The following TESK2 variants were observed in gnomAD, a reference collection of about 807,000 sequenced individuals.
TESK2 encodes the protein testis associated actin remodelling kinase 2, also known as dual specificity testis-specific protein kinase 2.
TESK2 carries 39 observed loss-of-function variants against 57.1 expected under a neutral mutation model. The observed-to-expected ratio is 0.68, with a 90% CI of 0.53 to 0.89. The LOEUF (loss-of-function observed/expected upper bound fraction) is 0.89, where lower values mean the gene tolerates loss of function less well. Ranked by LOEUF, TESK2 falls within the 40% of genes least tolerant of loss-of-function variation. The pLI is 0.00. For synonymous variants in TESK2, 249 were observed against 267.9 expected, an observed-to-expected ratio of 0.93 and a Z score of 0.69; for missense variants, 646 against 732.1, an observed-to-expected ratio of 0.88 and a Z score of 1.36.
chr1:45,370,062 GA>G (rs1251368435), intron 4 of TESK2, among the ~76,000 whole-genome samples: 2 of 152,142 alleles, frequency 1.3e-5, no homozygotes, highest in African/African-American at 2.4e-5. Context: ...CTAGGTTGAA[GA>G]AACCATATGG....
chr1:45,447,078 G>A (rs1321230805), intron 2 of TESK2, among the ~76,000 whole-genome samples: 1 of 151,994 alleles, frequency 6.6e-6, no homozygotes, highest in Non-Finnish European at 1.5e-5. Flanking sequence ...AATTAGCCAG[G>A]CACGGTAATA....
chr1:45,345,967 C>G lies in TESK2; in HGVS notation c.907G>C (p.Val303Leu), dbSNP rs540919061. Reference protein sequence around the residue: ...NMDPKLRPSFVEIGKTLEEIL... With the variant: ...NMDPKLRPSFLEIGKTLEEIL... ...TCCTCCAGGGTCTTCCCAATCTCCA[C>G]AAAAGATGGGCGCAGTTTGGGATCC... The change falls in exon 10 of 11, where the codon GTG (valine) becomes CTG (leucine). Residue 303 changes from valine (V) to leucine (L), a missense_variant. Transcript: ENST00000372086. 1 of 1,614,138 alleles carries G rather than the reference C, an allele frequency of 6.2e-7. No homozygotes were observed. The highest frequency in any genetic ancestry group is 1.3e-5 in the African/African-American group (1 of 75,052).
At chr1:45,479,423 A>G (rs116520580) in intron 1 of TESK2, among the ~76,000 whole-genome samples, 1,867 of 152,102 alleles carry the variant, frequency 0.012, 29 homozygotes, top group African/African-American at 0.039. Context: ...TACTGCAGAA[A>G]GAAAAAAAAA....
At chr1:45,355,970 C>G (rs1485940463) in intron 4 of TESK2, among the ~76,000 whole-genome samples, 2 of 152,144 alleles carry the variant, frequency 1.3e-5, no homozygotes, top group Non-Finnish European at 2.9e-5. Context: ...GAACTTTATC[C>G]TGTCTATAGG....
At chr1:45,475,588 T>C (rs1229519778) in intron 1 of TESK2, among the ~76,000 whole-genome samples, 1 of 152,204 alleles carries the variant, frequency 6.6e-6, no homozygotes, top group African/African-American at 2.4e-5. Flanking sequence ...TATTAAAGTA[T>C]AAATTGTTGG....
intron 3 of TESK2, among the ~76,000 whole-genome samples, chr1:45,386,989 C>A (rs1648928510): frequency 1.3e-5 from 2 of 152,306 alleles, no homozygotes; most frequent in South Asian, 4.1e-4. Context: ...CCCTCCCAAC[C>A]TTTCCCCCCA....
rs78367854 is a variant in TESK2 at position 45,420,260 on chromosome 1, T to G, written c.344+1465A>C. Among the ~76,000 whole-genome samples the G allele has an allele frequency of 3.5e-3, 528 of 152,264 alleles. 7 individuals are homozygous for G. Among genetic ancestry groups the G allele is most frequent in the East Asian group, 0.031 (162 of 5,174 alleles). On this transcript the variant is annotated intron_variant, in intron 3 of 10. Transcript: ENST00000372086. ...TTAACAAAATCATTTTTGTTTTTAA[T>G]ATAGGGTCTCACTCTGTCACTCAGG...
chr1:45,394,251 C>G (rs1193073842), intron 3 of TESK2, among the ~76,000 whole-genome samples: 2 of 150,936 alleles, frequency 1.3e-5, no homozygotes, highest in African/African-American at 4.9e-5. Flanking sequence ...ACCTCCCAGT[C>G]TCAAGTGACT....
At chr1:45,474,907 G>A (rs1341350601) in intron 1 of TESK2, among the ~76,000 whole-genome samples, 1 of 151,446 alleles carries the variant, frequency 6.6e-6, no homozygotes, top group South Asian at 2.1e-4. Context: ...AATGTGAGAT[G>A]GTAAAGCACT....
chr1:45,475,238 G>C (rs558324984), intron 1 of TESK2, among the ~76,000 whole-genome samples: 1 of 94,698 alleles, frequency 1.1e-5, no homozygotes, highest in Non-Finnish European at 2.2e-5. Flanking sequence ...TTTGAGTCTC[G>C]TTCTGTTGCC....
chr1:45,425,142 G>A (rs748101226), intron 2 of TESK2, among the ~76,000 whole-genome samples: 1 of 152,144 alleles, frequency 6.6e-6, no homozygotes, highest in South Asian at 2.1e-4. Flanking sequence ...AGATGATTAT[G>A]ATCTTGTATT....
chr1:45,424,809 C>G (rs1484415033), intron 2 of TESK2, among the ~76,000 whole-genome samples: 2 of 152,100 alleles, frequency 1.3e-5, no homozygotes, highest in Non-Finnish European at 2.9e-5. Context: ...GAATGAGGGA[C>G]AAAAACCATA....
At chr1:45,416,872 C>T (rs555534631) in intron 3 of TESK2, among the ~76,000 whole-genome samples, 12 of 151,496 alleles carry the variant, frequency 7.9e-5, no homozygotes, top group African/African-American at 1.9e-4. Context: ...CTGCAACCTC[C>T]GCCTCTCGGG....
chr1:45,415,674 T>C (rs1650211940), intron 3 of TESK2, among the ~76,000 whole-genome samples: 2 of 152,212 alleles, frequency 1.3e-5, no homozygotes, highest in Non-Finnish European at 2.9e-5. Context: ...CTATTCTAAG[T>C]GATTTACGTG....
At chr1:45,465,035 G>A (rs975621566) in intron 1 of TESK2, among the ~76,000 whole-genome samples, 3 of 152,028 alleles carry the variant, frequency 2.0e-5, no homozygotes, top group Non-Finnish European at 4.4e-5. Context: ...TCAGGAGTTC[G>A]AGACCGGCCT....
intron 4 of TESK2, among the ~76,000 whole-genome samples, chr1:45,372,165 T>C (rs1406354929): frequency 1.3e-5 from 2 of 151,946 alleles, no homozygotes; most frequent in Non-Finnish European, 2.9e-5. Context: ...GGAGAATCAC[T>C]TGAGCTTGGG....
intron 3 of TESK2, among the ~76,000 whole-genome samples, chr1:45,391,080 G>C (rs1318652880): frequency 6.6e-6 from 1 of 151,804 alleles, no homozygotes; most frequent in Non-Finnish European, 1.5e-5. Context: ...ACCACACCCA[G>C]CTAATTTTTG....
Position 45,416,072 on chromosome 1 carries a change from CTTTTTTTTTT to C in TESK2, c.344+5643_344+5652del, listed in dbSNP as rs34785518. Among the ~76,000 whole-genome samples, 16 of 59,304 alleles carry C rather than the reference CTTTTTTTTTT, an allele frequency of 2.7e-4. No individual in the cohort carries two copies. The East Asian group carries it at 5.9e-3, about 22-fold the overall frequency. The allele number at this position is 59,304 out of a possible 152,430, so 38.9% of individuals were successfully genotyped here. A position where few individuals can be genotyped will look rare whatever the true frequency, so the allele number is the denominator to read the frequency against. ...AGATTGGACACCTCTAATCTAGAGC[CTTTTTTTTTT>C]TTTTTTTTTTTTTTTTTTGAGACAA... On this transcript the variant is annotated intron_variant, in intron 3 of 10. Coordinates refer to ENST00000372086, the MANE Select transcript of TESK2 (RefSeq NM_007170.3).
At chr1:45,384,609 T>TTTTA (rs1648811785) in intron 4 of TESK2, among the ~76,000 whole-genome samples, 1 of 130,422 alleles carries the variant, frequency 7.7e-6, no homozygotes, top group Admixed American at 7.7e-5. Flanking sequence ...TTTTTTTTTT[T>TTTTA]TTTTTTTTTT....
Sources: gnomAD v4.1 joint callset for allele counts (sites outside exome capture counted in the v4.1 genomes callset) on GRCh38, gnomAD v4.1.1 for gene constraint, MANE v1.5 for transcripts, NCBI Gene and HGNC (gene_info 2026-07-23, HGNC 2026-07-21) for gene names.